ATXN10: variants seen among roughly 807,000 people sequenced by gnomAD.
The protein encoded by ATXN10 is ataxin 10, also known as ataxin-10.
In ATXN10, 28 loss-of-function variants were observed where a neutral mutation model predicts 52.9. The observed-to-expected ratio is 0.53, with a 90% confidence interval of 0.39 to 0.73. The LOEUF (loss-of-function observed/expected upper bound fraction) is 0.73, where lower values mean the gene tolerates loss of function less well. Ranked by LOEUF, ATXN10 falls within the 30% of genes least tolerant of loss-of-function variation. The pLI is 0.00. For synonymous variants in ATXN10, 226 were observed against 221.5 expected (o/e 1.02, Z -0.18); for missense variants, 565 against 577.0 (o/e 0.98, Z 0.21).
intron 6 of ATXN10, among the ~76,000 whole-genome samples, chr22:45,722,822 A>G (rs1368048020): frequency 1.3e-5 from 2 of 152,196 alleles, no homozygotes; most frequent in East Asian, 1.9e-4. Context: ...CCCCTGATTC[A>G]GGATCTGCAC....
rs769997445 is a variant in ATXN10 at position 45,806,949 on chromosome 22, T to A, written c.1174-10T>A. 4 of 1,610,494 alleles carry A rather than the reference T, an allele frequency of 2.5e-6. No individual in the cohort carries two copies. In the Admixed American group the frequency reaches 5.0e-5, roughly 20 times the overall value. On this transcript the variant is annotated splice_polypyrimidine_tract_variant and intron_variant, in intron 9 of 11. Transcript: ENST00000252934. ...TTTTCAGTGTATAAACTTATCTTCTTTCTCTCTAGGTAAATGAGCTGGATG... is the reference window on the plus strand; with the variant it reads ...TTTTCAGTGTATAAACTTATCTTCTATCTCTCTAGGTAAATGAGCTGGATG...
At chr22:45,749,992 C>G (rs1377173254) in intron 9 of ATXN10, among the ~76,000 whole-genome samples, 2 of 152,200 alleles carry the variant, frequency 1.3e-5, no homozygotes, top group Non-Finnish European at 2.9e-5. Context: ...ATGTGCTGCC[C>G]ATGATGATTC....
In ATXN10 at chr22:45,729,434, G is replaced by A; in HGVS notation, c.738G>A (p.Leu246=). Residue 246 remains leucine, a synonymous_variant, in exon 7 of 12, where the codon CTG becomes CTA. Coordinates refer to ENST00000252934, the MANE Select transcript of ATXN10 (RefSeq NM_013236.4). ...PKLNNQERVT[L]LDLMIAKITS... Reference sequence around the variant, plus strand: ...CCTTTATGTTTTACAGAGTTACACTGTTAGACCTTATGATAGCCAAGATAA... The same window carrying A: ...CCTTTATGTTTTACAGAGTTACACTATTAGACCTTATGATAGCCAAGATAA... 6.2e-7 allele frequency: 1 copy of A among 1,614,122 alleles called. No homozygotes were observed. The highest frequency in any genetic ancestry group is 8.5e-7 in the Non-Finnish European group (1 of 1,179,974).
chr22:45,729,088 C>T (rs906055583), intron 6 of ATXN10, among the ~76,000 whole-genome samples: 1 of 152,120 alleles, frequency 6.6e-6, no homozygotes, highest in East Asian at 1.9e-4. Flanking sequence ...AATGTTAGCC[C>T]GTTTCACTTT....
In ATXN10 at chr22:45,677,400, T is replaced by G. The variant is rs1384832215; in HGVS notation, c.116+5221T>G. On this transcript the variant is annotated intron_variant, in intron 1 of 11. Transcript: ENST00000252934. This position sits in a 1 kb window ranked among gnomAD's most constrained non-coding sequence, Gnocchi z 4.1. ...TCTTAGTCGTGTAGACAGTAATTTTTTTTTTCAGCTTCTATCAGTATAGCT... is the reference window on the plus strand; with the variant it reads ...TCTTAGTCGTGTAGACAGTAATTTTGTTTTTCAGCTTCTATCAGTATAGCT... 1 of 152,106 alleles carries G rather than the reference T, an allele frequency of 6.6e-6. No homozygotes were observed. The highest frequency in any genetic ancestry group is 1.9e-4 in the East Asian group (1 of 5,200). The allele number at this position is 152,106 out of a possible 1,614,324, so 9.4% of individuals were successfully genotyped here. A position where few individuals can be genotyped will look rare whatever the true frequency, so the allele number is the denominator to read the frequency against.
rs544916096 is a variant in ATXN10, at chr22:45,773,877, A to G, written c.1174-33082A>G. 2.6e-5 allele frequency among the ~76,000 whole-genome samples: 4 copies of G among 152,326 alleles called. No individual in the cohort carries two copies. The South Asian group carries it at 8.3e-4, about 32-fold the overall frequency. ...TTGTTTGTTTGTTTTAAAAGACTCAACCATTGGAAGAACAAGAGAAGGATG... is the reference window on the plus strand; with the variant it reads ...TTGTTTGTTTGTTTTAAAAGACTCAGCCATTGGAAGAACAAGAGAAGGATG... On this transcript the variant is annotated intron_variant, in intron 9 of 11. Transcript: ENST00000252934.
intron 5 of ATXN10, among the ~76,000 whole-genome samples, chr22:45,707,650 G>GATATA (rs551683185): frequency 0.014 from 2,145 of 148,640 alleles, 51 homozygotes; most frequent in African/African-American, 0.05. Context: ...AATATAATAT[G>GATATA]ATATAATATA....
At position 45,701,383 on chromosome 22, in the gene ATXN10, C is replaced by T. The variant is rs992737228; in HGVS notation, c.488+1005C>T. On this transcript the variant is annotated intron_variant, in intron 4 of 11. Coordinates refer to ENST00000252934, the MANE Select transcript of ATXN10 (RefSeq NM_013236.4). The surrounding 1 kb of genome is among the most constrained non-coding windows in gnomAD (Gnocchi z 4.2). The stretch of plus-strand genomic sequence containing the variant: ...TGTAAATACTGTGCTGCTTAAATTC[C>T]GTAATGCCCTTCCTTGTTGTACAGC... 5.3e-5 allele frequency among the ~76,000 whole-genome samples: 8 copies of T among 152,136 alleles called. No individual in the cohort carries two copies. Among genetic ancestry groups the T allele is most frequent in the Admixed American group, 2.0e-4 (3 of 15,276 alleles).
chr22:45,807,708 G>A (rs758024833), intron 10 of ATXN10, among the ~76,000 whole-genome samples: 2 of 152,192 alleles, frequency 1.3e-5, no homozygotes, highest in South Asian at 4.1e-4. Context: ...AGCTTGTTTA[G>A]ATTTGAGATA....
At chr22:45,764,756 T>A (rs1390223992) in intron 9 of ATXN10, among the ~76,000 whole-genome samples, 1 of 152,218 alleles carries the variant, frequency 6.6e-6, no homozygotes, top group Non-Finnish European at 1.5e-5. Context: ...GTATATTTAG[T>A]AAGCTGCGGA....
chr22:45,735,574 T>C (rs529978431), intron 7 of ATXN10, among the ~76,000 whole-genome samples: 17 of 152,216 alleles, frequency 1.1e-4, no homozygotes, highest in African/African-American at 2.9e-4. Flanking sequence ...CACAAAAAAA[T>C]GCAGAAACTG....
In ATXN10 at chr22:45,757,143, G is replaced by A. The variant is rs931489010; in HGVS notation, c.1173+16605G>A. On this transcript the variant is annotated intron_variant, in intron 9 of 11. Coordinates refer to ENST00000252934, the MANE Select transcript of ATXN10 (RefSeq NM_013236.4). The surrounding 1 kb of genome is among the most constrained non-coding windows in gnomAD (Gnocchi z 4.6). ...TGCCTGGGGCTGGGGCTGTGGAGGCGGACGACTGGGGAGTCTGATGGGGAG... is the reference window on the plus strand; with the variant it reads ...TGCCTGGGGCTGGGGCTGTGGAGGCAGACGACTGGGGAGTCTGATGGGGAG... Among the ~76,000 whole-genome samples the A allele has an allele frequency of 5.3e-5, 8 of 152,170 alleles. No homozygotes were observed. Among genetic ancestry groups the A allele is most frequent in the South Asian group, 2.1e-4 (1 of 4,826 alleles).
In ATXN10 at chr22:45,811,681, A is replaced by G. The variant is rs114848206; in HGVS notation, c.1237+4659A>G. ...TCTGTGATGTTCACACAATGATGAT[A>G]TTGTCTCTATCCCCAGTGCCACCAT... On this transcript the variant is annotated intron_variant, in intron 10 of 11. Coordinates refer to ENST00000252934, the MANE Select transcript of ATXN10 (RefSeq NM_013236.4). 1,702 of 469,582 alleles carry G rather than the reference A, an allele frequency of 3.6e-3. 24 individuals carry two copies. The highest frequency in any genetic ancestry group is 0.027 in the African/African-American group (1,371 of 50,110). 29.1% of individuals were successfully genotyped at this position (469,582 alleles called of 1,614,324 possible).
rs1300748727 is a variant in ATXN10 at position 45,688,216 on chromosome 22, A to G, written c.117-1496A>G. 6.6e-6 allele frequency among the ~76,000 whole-genome samples: 1 copy of G among 152,192 alleles called. No homozygotes were observed. The highest frequency in any genetic ancestry group is 6.5e-5 in the Admixed American group (1 of 15,280). ...AATTTGGTCACTCAGTTGCCGAGACACTGAGTCAAAGTTTCATTATTTACA... is the reference window on the plus strand; with the variant it reads ...AATTTGGTCACTCAGTTGCCGAGACGCTGAGTCAAAGTTTCATTATTTACA... On this transcript the variant is annotated intron_variant, in intron 1 of 11. Transcript: ENST00000252934. The surrounding 1 kb of genome is among the most constrained non-coding windows in gnomAD (Gnocchi z 4.0).
intron 9 of ATXN10, among the ~76,000 whole-genome samples, chr22:45,755,386 T>A (rs1363428741): frequency 6.6e-6 from 1 of 152,216 alleles, no homozygotes; most frequent in Non-Finnish European, 1.5e-5. Context: ...GTATTTCTAA[T>A]CATAACAAAC....
chr22:45,751,763 A>AAAAATAATAATAAT, intron 9 of ATXN10, among the ~76,000 whole-genome samples: 3 of 66,630 alleles, frequency 4.5e-5, no homozygotes, highest in Non-Finnish European at 8.8e-5. Context: ...AATAAAAAAA[A>AAAAATAATAATAAT]AATAATAATA....
Position 45,759,031 on chromosome 22 carries a change from CTTAT to C in ATXN10, c.1173+18497_1173+18500del, listed in dbSNP as rs2146826689. On this transcript the variant is annotated intron_variant, in intron 9 of 11. Transcript: ENST00000252934. This position sits in a 1 kb window ranked among gnomAD's most constrained non-coding sequence, Gnocchi z 5.4. ...ATTATTCTTACTTAGAAGTACCATTCTTATTTAAAGGCAGTATATCTCATATCTT... is the reference window on the plus strand; with the variant it reads ...ATTATTCTTACTTAGAAGTACCATTCTTAAAGGCAGTATATCTCATATCTT... Among the ~76,000 whole-genome samples, 1 of 152,272 alleles carries C rather than the reference CTTAT, an allele frequency of 6.6e-6. No individual in the cohort carries two copies. The highest frequency in any genetic ancestry group is 2.1e-4 in the South Asian group (1 of 4,828).
In ATXN10 at chr22:45,690,022, C is replaced by A; in HGVS notation, c.308+119C>A. 1 of 1,055,240 alleles carries A rather than the reference C, an allele frequency of 9.5e-7. No individual in the cohort carries two copies. The highest frequency in any genetic ancestry group is 1.4e-6 in the Non-Finnish European group (1 of 703,744). 65.4% of individuals were successfully genotyped at this position (1,055,240 alleles called of 1,614,324 possible). A position where few individuals can be genotyped will look rare whatever the true frequency, so the allele number is the denominator to read the frequency against. On this transcript the variant is annotated intron_variant, in intron 2 of 11. Coordinates refer to ENST00000252934, the MANE Select transcript of ATXN10 (RefSeq NM_013236.4). The surrounding 1 kb of genome is among the most constrained non-coding windows in gnomAD (Gnocchi z 4.5). Reference sequence around the variant, plus strand: ...GTAAGGTGGCTCATGCCTGTAATCCCAGCATTTTGGGAGGCTGAGGCAGGA... The same window carrying A: ...GTAAGGTGGCTCATGCCTGTAATCCAAGCATTTTGGGAGGCTGAGGCAGGA...
At position 45,772,790 on chromosome 22, in the gene ATXN10, C is replaced by T. The variant is rs866146798; in HGVS notation, c.1173+32252C>T. Among the ~76,000 whole-genome samples, 39 of 152,242 alleles carry T rather than the reference C, an allele frequency of 2.6e-4. No individual in the cohort carries two copies. The Middle Eastern group carries it at 0.01, about 40-fold the overall frequency. ...TATGCTTTGTTAGATTTATTTTTAG[C>T]ACAGTGGTTGCTTGGTACCCATGGG... On this transcript the variant is annotated intron_variant, in intron 9 of 11. Transcript: ENST00000252934. The surrounding 1 kb of genome is among the most constrained non-coding windows in gnomAD (Gnocchi z 4.1).
Sources: gnomAD v4.1 joint callset for allele counts (sites outside exome capture counted in the v4.1 genomes callset) on GRCh38, gnomAD v4.1.1 for gene constraint, Gnocchi (gnomAD v3.1) non-coding constraint, MANE v1.5 for transcripts, NCBI Gene and HGNC (gene_info 2026-07-23, HGNC 2026-07-21) for gene names.